The following NAV2 variants were observed in gnomAD, a reference collection of about 807,000 sequenced individuals.
NAV2 encodes the protein helicase, APC down-regulated 1.
NAV2 carries 54 observed loss-of-function variants against 223.2 expected under a neutral mutation model. That is an observed-to-expected ratio of 0.24 (90% confidence interval 0.19 to 0.30). The LOEUF is 0.30. Ranked by LOEUF, NAV2 falls within the 10% of genes least tolerant of loss-of-function variation. The pLI, the probability that NAV2 is intolerant of heterozygous loss-of-function variation, is 1.00. For synonymous variants in NAV2, 1,279 were observed against 1,239.3 expected, an observed-to-expected ratio of 1.03 and a Z score of -0.67; for missense variants, 2,806 against 3,147.5, an observed-to-expected ratio of 0.89 and a Z score of 2.60.
chr11:19,719,137 C>T (rs573309047), intron 1 of NAV2, among the ~76,000 whole-genome samples: 7 of 152,310 alleles, frequency 4.6e-5, no homozygotes, highest in Non-Finnish European at 7.4e-5. Flanking sequence ...CTGAAAAAGT[C>T]AAACCACCCA....
At chr11:19,923,299 T>A (rs1267194139) in intron 6 of NAV2, among the ~76,000 whole-genome samples, 1 of 152,112 alleles carries the variant, frequency 6.6e-6, no homozygotes, top group Non-Finnish European at 1.5e-5. Context: ...CTGGCAAAAA[T>A]ACATTTAAGA....
chr11:19,658,985 A>G (rs1036335466), intron 1 of NAV2, among the ~76,000 whole-genome samples: 1 of 152,224 alleles, frequency 6.6e-6, no homozygotes, highest in African/African-American at 2.4e-5. Flanking sequence ...ACACAAGCTT[A>G]GCAGCTAAAG....
At chr11:19,498,271 C>T (rs1403163791) in intron 1 of NAV2, among the ~76,000 whole-genome samples, 1 of 152,220 alleles carries the variant, frequency 6.6e-6, no homozygotes, top group East Asian at 1.9e-4. Flanking sequence ...CATTCTATTT[C>T]TCCCTGCCTT....
chr11:19,447,512 A>T (rs1421504688), intron 1 of NAV2, among the ~76,000 whole-genome samples: 2 of 152,308 alleles, frequency 1.3e-5, no homozygotes, highest in East Asian at 3.9e-4. Flanking sequence ...GAGGATAGTA[A>T]TTCCCACCTC....
chr11:19,444,551 C>A (rs1399821223), intron 1 of NAV2, among the ~76,000 whole-genome samples: 2 of 152,044 alleles, frequency 1.3e-5, no homozygotes, highest in African/African-American at 2.4e-5. Flanking sequence ...GGCTGTAGAA[C>A]CGGCCCCCCA....
intron 4 of NAV2, 31 bp downstream of exon 4, chr11:19,869,028 T>G (rs1353209197): frequency 1.9e-6 from 3 of 1,603,024 alleles, no homozygotes; most frequent in Middle Eastern, 1.7e-4. Flanking sequence ...CGAAGCTGCC[T>G]CTTCATCATT....
At chr11:19,790,556 G>T (rs1214126000) in intron 1 of NAV2, among the ~76,000 whole-genome samples, 1 of 152,198 alleles carries the variant, frequency 6.6e-6, no homozygotes, top group Non-Finnish European at 1.5e-5. Flanking sequence ...TCATTGTTGT[G>T]AAACTGCTGC....
intron 3 of NAV2, among the ~76,000 whole-genome samples, chr11:19,859,137 C>CTCTTTTT (rs1467179579): frequency 2.8e-5 from 3 of 107,106 alleles, no homozygotes; most frequent in East Asian, 3.2e-4. Flanking sequence ...ATCATATTCT[C>CTCTTTTT]TTTTTTTTTT....
chr11:19,842,479 C>G (rs545082559), intron 2 of NAV2, among the ~76,000 whole-genome samples: 22 of 152,156 alleles, frequency 1.4e-4, no homozygotes, highest in Admixed American at 4.6e-4. Context: ...TCTCTGGGAG[C>G]TGAGTTGTAG....
intron 1 of NAV2, chr11:19,511,140 A>G (rs962235879): frequency 2.0e-5 from 3 of 152,218 alleles, no homozygotes; most frequent in Admixed American, 1.3e-4. Flanking sequence ...CCTGACTCCA[A>G]GTCAGTAGGT....
chr11:19,781,257 C>T (rs193260607), intron 1 of NAV2, among the ~76,000 whole-genome samples: 4 of 152,302 alleles, frequency 2.6e-5, no homozygotes, highest in Admixed American at 6.5e-5. Context: ...TAGAGCGCTG[C>T]AGGGCCTGCT....
intron 8 of NAV2, among the ~76,000 whole-genome samples, chr11:19,943,980 C>T (rs561239658): frequency 2.3e-4 from 35 of 151,986 alleles, no homozygotes; most frequent in Non-Finnish European, 4.7e-4. Flanking sequence ...GGTGGATCAC[C>T]TGAAGCCAGG....
intron 1 of NAV2, among the ~76,000 whole-genome samples, chr11:19,488,055 C>T (rs796170892): frequency 1.3e-5 from 2 of 152,300 alleles, no homozygotes; most frequent in African/African-American, 4.8e-5. Flanking sequence ...ACGTTCCCCA[C>T]CTCCTCCAGC....
At position 20,048,861 on chromosome 11, in the gene NAV2, G is replaced by T. The variant is rs765403443; in HGVS notation, c.4036G>T (p.Val1346Phe). The T allele has an allele frequency of 6.2e-7, 1 of 1,614,124 alleles. No individual in the cohort carries two copies. The highest frequency in any genetic ancestry group is 8.5e-7 in the Non-Finnish European group (1 of 1,180,024). Reference sequence around the variant, plus strand: ...CCTAGACTCCCCGTCAGGCAGTGGCGTCCTGAGCAGTGGGAGCAGCAGTCC... The same window carrying T: ...CCTAGACTCCCCGTCAGGCAGTGGCTTCCTGAGCAGTGGGAGCAGCAGTCC... ...GNLDSPSGSG[V>F]LSSGSSSPLY... The change falls in exon 15 of 38, where the codon GTC becomes TTC. Residue 1346 changes from valine (V) to phenylalanine (F), a missense_variant. Val to Phe is a conservative substitution (Grantham distance 50). This residue lies in a region of NAV2 where 742 missense variants were observed against 777.9 expected (regional missense o/e 0.95). Transcript: ENST00000349880.
At chr11:19,379,367 C>A (rs1226264267) in intron 1 of NAV2, among the ~76,000 whole-genome samples, 1 of 152,100 alleles carries the variant, frequency 6.6e-6, no homozygotes, top group African/African-American at 2.4e-5. Context: ...TACTTGGGAG[C>A]AAGGGGGTGG....
chr11:19,927,604 G>T (rs138147293), intron 6 of NAV2, among the ~76,000 whole-genome samples: 409 of 151,858 alleles, frequency 2.7e-3, no homozygotes, highest in African/African-American at 9.5e-3. Flanking sequence ...GCCAGGTGTG[G>T]TGGTATGTGC....
At chr11:19,833,555 C>A (rs1166963521) in intron 2 of NAV2, among the ~76,000 whole-genome samples, 1 of 152,200 alleles carries the variant, frequency 6.6e-6, no homozygotes, top group Non-Finnish European at 1.5e-5. Context: ...CATTGATTCT[C>A]CTCTTCTCCT....
intron 1 of NAV2, among the ~76,000 whole-genome samples, chr11:19,371,747 C>A (rs926216632): frequency 1.1e-4 from 16 of 150,302 alleles, no homozygotes; most frequent in African/African-American, 2.4e-5. Flanking sequence ...TGCAACTATG[C>A]CTACCTTTTT....
chr11:19,569,990 G>A (rs1225714873), intron 1 of NAV2, among the ~76,000 whole-genome samples: 1 of 152,190 alleles, frequency 6.6e-6, no homozygotes, highest in Non-Finnish European at 1.5e-5. Context: ...CTTCCTCCCA[G>A]GCAGCAGAAT....
Sources: gnomAD v4.1 joint callset for allele counts (sites outside exome capture counted in the v4.1 genomes callset) on GRCh38, gnomAD v4.1.1 for gene constraint, gnomAD v4.1.1 regional missense constraint, MANE v1.5 for transcripts, NCBI Gene and HGNC (gene_info 2026-07-23, HGNC 2026-07-21) for gene names.